The following CACNA2D3 variants were observed in gnomAD, a reference collection of about 807,000 sequenced individuals.
The protein encoded by CACNA2D3 is voltage-dependent calcium channel subunit alpha-2/delta-3.
Under a neutral mutation model 160.6 loss-of-function variants are expected in CACNA2D3, and 60 were observed. That is an observed-to-expected ratio of 0.37 (90% CI 0.30 to 0.46). CACNA2D3 has a LOEUF of 0.46. Ranked by LOEUF, CACNA2D3 falls within the 20% of genes least tolerant of loss-of-function variation. The pLI is 1.00. For missense variants in CACNA2D3, 1,205 were observed against 1,365.0 expected (o/e 0.88, Z 1.85); for synonymous variants, 558 against 492.9 (o/e 1.13, Z -1.75).
At chr3:54,462,350 G>C (rs1257223653) in intron 4 of CACNA2D3, among the ~76,000 whole-genome samples, 2 of 152,122 alleles carry the variant, frequency 1.3e-5, no homozygotes, top group Non-Finnish European at 2.9e-5. Context: ...TTGTCTCGCT[G>C]ATCTGTCTAA....
chr3:54,164,002 A>C (rs1407697681), intron 2 of CACNA2D3, among the ~76,000 whole-genome samples: 1 of 152,224 alleles, frequency 6.6e-6, no homozygotes, highest in Admixed American at 6.5e-5. Flanking sequence ...CAGGTACCTA[A>C]TGCAACCAGG....
chr3:54,384,239 C>T (rs1575426178), intron 3 of CACNA2D3, among the ~76,000 whole-genome samples: 1 of 151,974 alleles, frequency 6.6e-6, no homozygotes, highest in East Asian at 1.9e-4. Flanking sequence ...GCGTAGACAC[C>T]ATCAAAAATC....
At chr3:54,918,317 A>T in intron 27 of CACNA2D3, 1 of 744,926 alleles carries the variant, frequency 1.3e-6, no homozygotes, top group Non-Finnish European at 2.1e-6. Flanking sequence ...TTTTACAGAC[A>T]CATCTTTTTT....
At chr3:54,598,506 G>A (rs1233139018) in intron 9 of CACNA2D3, among the ~76,000 whole-genome samples, 2 of 152,024 alleles carry the variant, frequency 1.3e-5, no homozygotes, top group African/African-American at 4.8e-5. Context: ...GTGCTTTATT[G>A]AGAGGTGTTT....
At chr3:54,661,081 T>C (rs1699961573) in intron 11 of CACNA2D3, among the ~76,000 whole-genome samples, 1 of 152,108 alleles carries the variant, frequency 6.6e-6, no homozygotes, top group African/African-American at 2.4e-5. Context: ...GAATGCGAAC[T>C]GAAAGTAAGA....
Position 54,215,082 on chromosome 3 carries a change from T to G in CACNA2D3, c.204+91488T>G, listed in dbSNP as rs75192102. On this transcript the variant is annotated intron_variant, in intron 2 of 37. Coordinates refer to ENST00000474759, the MANE Select transcript of CACNA2D3 (RefSeq NM_018398.3). Reference sequence around the variant, plus strand: ...GGCCCTATTGTCCACACTCTCCAAGTTGATGTCAGCTCCTCAGGAGAGTAG... The same window carrying G: ...GGCCCTATTGTCCACACTCTCCAAGGTGATGTCAGCTCCTCAGGAGAGTAG... Among the ~76,000 whole-genome samples, 857 of 152,308 alleles carry G rather than the reference T, an allele frequency of 5.6e-3. 30 individuals are homozygous for G. The East Asian group carries it at 0.11, about 19-fold the overall frequency.
rs1349000164 is a variant in CACNA2D3 at position 54,356,194 on chromosome 3, T to C, written c.322-30521T>C. 2.0e-5 allele frequency among the ~76,000 whole-genome samples: 3 copies of C among 152,208 alleles called. No individual in the cohort carries two copies. In the East Asian group the frequency reaches 5.8e-4, roughly 29 times the overall value. ...GGCCAGGATCAACAATATAGGTTAA[T>C]TGTCATTCACCAGAGAGAGAACTTA... On this transcript the variant is annotated intron_variant, in intron 3 of 37. Transcript: ENST00000474759.
intron 6 of CACNA2D3, among the ~76,000 whole-genome samples, chr3:54,564,044 C>G (rs1265958058): frequency 2.0e-5 from 3 of 152,152 alleles, no homozygotes. Flanking sequence ...CCAGTGCCAC[C>G]AAATTGCAGT....
chr3:54,618,374 TGC>T (rs1491094324), intron 9 of CACNA2D3, among the ~76,000 whole-genome samples: 17,677 of 51,762 alleles, frequency 0.34, 1,460 homozygotes, highest in Non-Finnish European at 0.37. Context: ...TATATATATA[TGC>T]ACACACACAC....
chr3:54,956,386 C>T (rs1031573634), intron 27 of CACNA2D3, among the ~76,000 whole-genome samples: 3 of 152,336 alleles, frequency 2.0e-5, no homozygotes, highest in Middle Eastern at 3.4e-3. Flanking sequence ...GACAATTTTG[C>T]TGTGTCAGGC....
intron 2 of CACNA2D3, among the ~76,000 whole-genome samples, chr3:54,203,239 G>A (rs978316868): frequency 6.6e-6 from 1 of 152,158 alleles, no homozygotes; most frequent in East Asian, 1.9e-4. Flanking sequence ...AAACGGGAAG[G>A]GTCCCCTTGT....
intron 27 of CACNA2D3, among the ~76,000 whole-genome samples, chr3:54,920,390 T>TG (rs1468228496): frequency 2.0e-5 from 3 of 151,202 alleles, no homozygotes; most frequent in African/African-American, 7.3e-5. Context: ...TTGTTGCCAC[T>TG]GCTTAAAACT....
At chr3:54,860,723 G>T (rs925476276) in intron 17 of CACNA2D3, among the ~76,000 whole-genome samples, 3 of 152,268 alleles carry the variant, frequency 2.0e-5, no homozygotes, top group Non-Finnish European at 4.4e-5. Flanking sequence ...TTCAGCTCCA[G>T]ACTGGGAGGC....
intron 5 of CACNA2D3, among the ~76,000 whole-genome samples, chr3:54,534,893 C>T (rs1021941970): frequency 6.6e-6 from 1 of 152,186 alleles, no homozygotes; most frequent in Non-Finnish European, 1.5e-5. Context: ...CACCACTGCA[C>T]TGCAGCCTGG....
chr3:54,823,283 C>T (rs113349027), intron 14 of CACNA2D3, among the ~76,000 whole-genome samples: 15 of 151,996 alleles, frequency 9.9e-5, no homozygotes, highest in African/African-American at 3.4e-4. Flanking sequence ...GAACATTTGA[C>T]GTGTTCATGT....
chr3:54,576,701 G>T (rs969717719), intron 8 of CACNA2D3, among the ~76,000 whole-genome samples: 1 of 152,090 alleles, frequency 6.6e-6, no homozygotes, highest in Non-Finnish European at 1.5e-5. Flanking sequence ...TTTTTGGAGG[G>T]ACTGTTGCAG....
Position 54,724,037 on chromosome 3 carries a change from GACAC to G in CACNA2D3, c.1168-28558_1168-28555del, listed in dbSNP as rs200407652. On this transcript the variant is annotated intron_variant, in intron 11 of 37. Coordinates refer to ENST00000474759, the MANE Select transcript of CACNA2D3 (RefSeq NM_018398.3). The stretch of plus-strand genomic sequence containing the variant: ...ATTCAGGAGACCCATCTCACGTGCA[GACAC>G]ACATAGGCTGAAAATGAAGGGATGG... Among the ~76,000 whole-genome samples, 1,057 of 152,298 alleles carry G rather than the reference GACAC, an allele frequency of 6.9e-3. 15 individuals carry two copies. Among genetic ancestry groups the G allele is most frequent in the African/African-American group, 0.024 (989 of 41,550 alleles).
chr3:54,651,411 T>C (rs1251208537), intron 11 of CACNA2D3, among the ~76,000 whole-genome samples: 1 of 138,496 alleles, frequency 7.2e-6, no homozygotes, highest in Non-Finnish European at 1.6e-5. Flanking sequence ...GCGTTTTATC[T>C]TCAGTTATCT....
chr3:54,476,249 C>T (rs752429617), intron 4 of CACNA2D3, among the ~76,000 whole-genome samples: 2 of 142,438 alleles, frequency 1.4e-5, no homozygotes, highest in African/African-American at 2.6e-5. Flanking sequence ...AATATTCCTG[C>T]GTGTGTGTGT....
Sources: allele counts gnomAD v4.1 joint callset (sites outside exome capture counted in the v4.1 genomes callset), GRCh38; gene constraint gnomAD v4.1.1; transcripts MANE v1.5; gene names NCBI Gene and HGNC (gene_info 2026-07-23, HGNC 2026-07-21).